The following HMCN1 variants were observed in gnomAD, a reference collection of about 807,000 sequenced individuals.
HMCN1 encodes hemicentin-1.
A neutral mutation model predicts 625.9 loss-of-function variants in HMCN1; 321 were observed. The observed-to-expected ratio is 0.51, with a 90% CI of 0.47 to 0.56. HMCN1 has a LOEUF of 0.56. HMCN1 is among the 20% of genes least tolerant of loss of function. The pLI is 0.00. For synonymous variants in HMCN1, 2,425 were observed against 2,417.6 expected (o/e 1.00, Z -0.09); for missense variants, 6,588 against 6,887.3 (o/e 0.96, Z 1.54).
At chr1:186,126,776 A>G (rs887656789) in intron 82 of HMCN1, among the ~76,000 whole-genome samples, 2 of 152,204 alleles carry the variant, frequency 1.3e-5, no homozygotes, top group East Asian at 3.8e-4. Context: ...CGGGTCTTAC[A>G]GGTCATTGTA....
chr1:186,133,032 A>C (rs1325218915), intron 86 of HMCN1, among the ~76,000 whole-genome samples: 1 of 152,188 alleles, frequency 6.6e-6, no homozygotes, highest in African/African-American at 2.4e-5. Flanking sequence ...TTCTTAATCC[A>C]GTCTATCATT....
chr1:185,912,574 T>G (rs900048329), intron 6 of HMCN1, among the ~76,000 whole-genome samples: 3 of 152,058 alleles, frequency 2.0e-5, no homozygotes, highest in Non-Finnish European at 2.9e-5. Flanking sequence ...TGCCCATATT[T>G]CTCAGGCTTT....
chr1:185,987,442 C>A lies in HMCN1; in HGVS notation c.2946C>A (p.Thr982=), dbSNP rs1410064028. 2 of 1,611,032 alleles carry A rather than the reference C, an allele frequency of 1.2e-6. No individual in the cohort carries two copies. The highest frequency in any genetic ancestry group is 4.5e-5 in the East Asian group (2 of 44,866). Residue 982 remains threonine (T), a synonymous_variant, in exon 20 of 107, where the codon ACC becomes ACA. Transcript: ENST00000271588. The part of the protein sequence containing the change: ...TTSVVVHVLP[T]IQHGQQILST... ...TACTTACCTTTTCAGTTCTGCCAAC[C>A]ATTCAGCATGGGCAGCAGATACTCA... is the stretch of plus-strand genomic sequence containing the variant.
At position 186,005,440 on chromosome 1, in the gene HMCN1, A is replaced by AT. The variant is rs1297067679; in HGVS notation, c.4475+1596_4475+1597insT. ...TTTATAAACAAGTTTTTAATTGTTT[A>AT]AATTGTTTATAAATGTTTATAAACA... On this transcript the variant is annotated intron_variant, in intron 29 of 106. Coordinates refer to ENST00000271588, the MANE Select transcript of HMCN1 (RefSeq NM_031935.3). Among the ~76,000 whole-genome samples the AT allele has an allele frequency of 4.3e-5, 6 of 140,976 alleles. No homozygotes were observed. In the East Asian group the frequency reaches 1.2e-3, roughly 29 times the overall value. The allele number at this position is 140,976 out of a possible 152,430, so 92.5% of individuals were successfully genotyped here.
intron 1 of HMCN1, among the ~76,000 whole-genome samples, chr1:185,778,529 TG>T (rs931588982): frequency 4.0e-5 from 5 of 124,286 alleles, no homozygotes; most frequent in African/African-American, 1.5e-4. Context: ...CAGTGTGTGG[TG>T]TTCCCCTTTC....
chr1:186,123,514 G>A (rs946538001), intron 81 of HMCN1, among the ~76,000 whole-genome samples: 3 of 152,090 alleles, frequency 2.0e-5, no homozygotes, highest in Non-Finnish European at 2.9e-5. Context: ...TGAAGAGTCC[G>A]TTTGTGTTTT....
At chr1:185,951,212 T>C (rs567083776) in intron 11 of HMCN1, among the ~76,000 whole-genome samples, 3,687 of 150,740 alleles carry the variant, frequency 0.024, 69 homozygotes, top group African/African-American at 0.081. Flanking sequence ...CAATGAGATA[T>C]AGCTGTAGTC....
At chr1:185,951,085 T>C (rs1394631747) in intron 11 of HMCN1, among the ~76,000 whole-genome samples, 1 of 149,722 alleles carries the variant, frequency 6.7e-6, no homozygotes, top group East Asian at 2.0e-4. Context: ...AATGAGATGG[T>C]AAGGGGTGCA....
At chr1:185,786,853 G>T in intron 1 of HMCN1, among the ~76,000 whole-genome samples, 1 of 152,104 alleles carries the variant, frequency 6.6e-6, no homozygotes, top group East Asian at 1.9e-4. Flanking sequence ...TATACTATGT[G>T]TCACCCCAAT....
At chr1:186,026,322 A>T (rs974252492) in intron 36 of HMCN1, among the ~76,000 whole-genome samples, 3 of 152,242 alleles carry the variant, frequency 2.0e-5, no homozygotes, top group Non-Finnish European at 4.4e-5. Flanking sequence ...GACACCATGC[A>T]TTGAAATACT....
At chr1:186,171,518 T>G in intron 101 of HMCN1, 68 bp downstream of exon 101, 1 of 1,148,296 alleles carries the variant, frequency 8.7e-7, no homozygotes, top group Non-Finnish European at 1.3e-6. Context: ...CTGATCTAAA[T>G]GCATACACTG....
chr1:186,162,569 G>T (rs1425202743), intron 97 of HMCN1, among the ~76,000 whole-genome samples: 2 of 152,138 alleles, frequency 1.3e-5, no homozygotes, highest in Non-Finnish European at 2.9e-5. Flanking sequence ...CTTTGATGAT[G>T]GTGATGTACA....
chr1:185,877,766 G>A (rs1246211892), intron 4 of HMCN1, among the ~76,000 whole-genome samples: 1 of 151,718 alleles, frequency 6.6e-6, no homozygotes, highest in Non-Finnish European at 1.5e-5. Flanking sequence ...TAGGTTCAGA[G>A]GTACATGTGC....
chr1:185,741,420 A>T (rs1022605563), intron 1 of HMCN1, among the ~76,000 whole-genome samples: 4 of 152,192 alleles, frequency 2.6e-5, no homozygotes, highest in Admixed American at 2.6e-4. Context: ...AGAGATAAGA[A>T]GATAGTTGGA....
chr1:185,883,879 ATTTTTTTTTTT>A (rs1205211897), intron 4 of HMCN1, among the ~76,000 whole-genome samples: 1 of 55,934 alleles, frequency 1.8e-5, no homozygotes, highest in East Asian at 7.4e-4. Context: ...ATAGGTCATG[ATTTTTTTTTTT>A]TTTTTTTTTT....
At chr1:185,901,985 T>C (rs181321448) in intron 4 of HMCN1, among the ~76,000 whole-genome samples, 19 of 151,894 alleles carry the variant, frequency 1.3e-4, no homozygotes, top group African/African-American at 4.3e-4. Context: ...CCAGTATATG[T>C]TGGGGGTGGG....
chr1:185,955,503 G>A (rs558798199), intron 11 of HMCN1, among the ~76,000 whole-genome samples: 3 of 152,230 alleles, frequency 2.0e-5, no homozygotes, highest in African/African-American at 4.8e-5. Flanking sequence ...ATTTGAACTT[G>A]CTATTGATAT....
intron 6 of HMCN1, among the ~76,000 whole-genome samples, chr1:185,917,459 G>T (rs1188200209): frequency 2.0e-5 from 3 of 152,110 alleles, no homozygotes; most frequent in Non-Finnish European, 4.4e-5. Flanking sequence ...TCTTTGTAGT[G>T]CCATAAAATT....
intron 1 of HMCN1, among the ~76,000 whole-genome samples, chr1:185,783,433 A>G (rs1657295515): frequency 6.6e-6 from 1 of 151,932 alleles, no homozygotes; most frequent in Non-Finnish European, 1.5e-5. Context: ...TGATTTTTAG[A>G]ATTTTCAGTT....
Sources: gnomAD v4.1 joint callset for allele counts (sites outside exome capture counted in the v4.1 genomes callset) on GRCh38, gnomAD v4.1.1 for gene constraint, MANE v1.5 for transcripts, NCBI Gene and HGNC (gene_info 2026-07-23, HGNC 2026-07-21) for gene names.